Variants in HECW2 observed in about 807,000 individuals in gnomAD.
HECW2 encodes the protein HECT, C2 and WW domain containing E3 ubiquitin protein ligase 2.
HECW2 carries 61 observed loss-of-function variants against 175.2 expected under a neutral mutation model. The observed-to-expected ratio is 0.35, with a 90% confidence interval of 0.28 to 0.43. The LOEUF (loss-of-function observed/expected upper bound fraction) is 0.43, where lower values mean the gene tolerates loss of function less well. Ranked by LOEUF, HECW2 falls within the 20% of genes least tolerant of loss-of-function variation. HECW2 has a pLI of 1.00. For synonymous variants in HECW2, 671 were observed against 731.0 expected (o/e 0.92, Z 1.32); for missense variants, 1,524 against 2,000.5 (o/e 0.76, Z 4.54).
chr2:196,374,834 TAAA>T (rs770227570), intron 2 of HECW2, among the ~76,000 whole-genome samples: 8 of 113,314 alleles, frequency 7.1e-5, no homozygotes, highest in South Asian at 2.8e-4. Context: ...AAGGGAAGAG[TAAA>T]AAAAAAAAAA....
intron 1 of HECW2, among the ~76,000 whole-genome samples, chr2:196,469,208 G>T (rs750407735): frequency 6.6e-6 from 1 of 151,638 alleles, no homozygotes; most frequent in African/African-American, 2.4e-5. Context: ...AAGAGGAGCT[G>T]CCCCGCCTTA....
chr2:196,344,874 T>C (rs1353381363), intron 2 of HECW2, among the ~76,000 whole-genome samples: 1 of 152,140 alleles, frequency 6.6e-6, no homozygotes, highest in Non-Finnish European at 1.5e-5. Flanking sequence ...CCCAAAGGAA[T>C]AGTCCTGAGG....
intron 14 of HECW2, chr2:196,291,431 T>C (rs1239342810): frequency 1.3e-5 from 2 of 152,232 alleles, no homozygotes; most frequent in Non-Finnish European, 2.9e-5. Context: ...GAGACATGAA[T>C]GCTGCATTCA....
intron 2 of HECW2, among the ~76,000 whole-genome samples, chr2:196,350,297 G>A (rs1276329053): frequency 6.6e-6 from 1 of 152,134 alleles, no homozygotes; most frequent in Non-Finnish European, 1.5e-5. Context: ...CCTGGGAGGT[G>A]GAGGTTGCAG....
At chr2:196,325,192 C>A in intron 5 of HECW2, 43 bp from the exon 6 acceptor site, 4 of 1,435,532 alleles carry the variant, frequency 2.8e-6, no homozygotes, top group South Asian at 2.8e-5. Context: ...AAAGAGAAAG[C>A]AGGAGGGAGG....
chr2:196,551,171 T>C (rs1006259771), intron 1 of HECW2, among the ~76,000 whole-genome samples: 2 of 152,158 alleles, frequency 1.3e-5, no homozygotes, highest in East Asian at 1.9e-4. Context: ...AATAGCTCCA[T>C]AGGCTACATA....
chr2:196,275,789 T>C (rs1171833131), intron 15 of HECW2, among the ~76,000 whole-genome samples: 1 of 152,118 alleles, frequency 6.6e-6, no homozygotes, highest in African/African-American at 2.4e-5. Context: ...GTTATTTATT[T>C]GCATCCCTCA....
chr2:196,579,327 T>TAAAA (rs1315226205), intron 1 of HECW2, among the ~76,000 whole-genome samples: 2 of 151,914 alleles, frequency 1.3e-5, no homozygotes, highest in Non-Finnish European at 2.9e-5. Flanking sequence ...GATAAGACAG[T>TAAAA]AATGGAACTC....
chr2:196,396,816 A>AT (rs1694672350), intron 2 of HECW2, among the ~76,000 whole-genome samples: 1 of 14,310 alleles, frequency 7.0e-5, no homozygotes, highest in African/African-American at 1.7e-4. Context: ...ATATATTCCA[A>AT]TTAAAAAAAA....
chr2:196,464,000 T>C (rs1696846626), intron 1 of HECW2, among the ~76,000 whole-genome samples: 1 of 152,166 alleles, frequency 6.6e-6, no homozygotes, highest in Non-Finnish European at 1.5e-5. Context: ...TTATTTTACT[T>C]TCAAATCCAT....
At position 196,319,415 on chromosome 2, in the gene HECW2, C is replaced by T. The variant is rs754012817; in HGVS notation, c.1475G>A (p.Ser492Asn). The T allele has an allele frequency of 5.0e-6, 8 of 1,613,826 alleles. No individual in the cohort carries two copies. Among genetic ancestry groups the T allele is most frequent in the African/African-American group, 4.0e-5 (3 of 74,942 alleles). ...LEEEGGLIMF[S>N]RASRADDGSL... Reference sequence around the variant, plus strand: ...TCCATCATCAGCTCTGGATGCCCTGCTAAACATGATCAGGCCTCCCTCCTC... The same window carrying T: ...TCCATCATCAGCTCTGGATGCCCTGTTAAACATGATCAGGCCTCCCTCCTC... Residue 492 changes from serine to asparagine, a missense_variant, in exon 9 of 29, where the codon AGC becomes AAC. This residue lies in a region of HECW2 where 604 missense variants were observed against 588.3 expected (regional missense o/e 1.03). Transcript: ENST00000644978.
At chr2:196,475,857 A>C (rs1468543069) in intron 1 of HECW2, among the ~76,000 whole-genome samples, 1 of 152,262 alleles carries the variant, frequency 6.6e-6, no homozygotes, top group African/African-American at 2.4e-5. Context: ...CAGTTTCAAA[A>C]GGCAAACTGG....
intron 28 of HECW2, among the ~76,000 whole-genome samples, chr2:196,205,518 C>T (rs1425508536): frequency 6.6e-6 from 1 of 152,056 alleles, no homozygotes; most frequent in African/African-American, 2.4e-5. Flanking sequence ...TATGCAGTAG[C>T]TCTGGGGAAA....
chr2:196,369,695 G>C (rs1693854071), intron 2 of HECW2, among the ~76,000 whole-genome samples: 1 of 152,098 alleles, frequency 6.6e-6, no homozygotes, highest in African/African-American at 2.4e-5. Context: ...GAATATACTT[G>C]ATGTTCTATT....
intron 10 of HECW2, among the ~76,000 whole-genome samples, chr2:196,309,007 A>G (rs1457857061): frequency 6.6e-6 from 1 of 152,224 alleles, no homozygotes; most frequent in African/African-American, 2.4e-5. Context: ...TTTGAAATTA[A>G]TAAGCATTTT....
chr2:196,457,076 G>C (rs558924592), intron 1 of HECW2, among the ~76,000 whole-genome samples: 14 of 152,332 alleles, frequency 9.2e-5, no homozygotes, highest in African/African-American at 3.4e-4. Flanking sequence ...TATCTGGAAA[G>C]AATCAACAGT....
chr2:196,562,472 T>G (rs138573129), intron 1 of HECW2, among the ~76,000 whole-genome samples: 118 of 152,268 alleles, frequency 7.7e-4, no homozygotes, highest in African/African-American at 2.7e-3. Flanking sequence ...TAGCTAAAGC[T>G]GAAAGAGGGC....
intron 2 of HECW2, among the ~76,000 whole-genome samples, chr2:196,401,703 G>T (rs1575503782): frequency 6.6e-6 from 1 of 152,300 alleles, no homozygotes; most frequent in South Asian, 2.1e-4. Flanking sequence ...TCACACAGAT[G>T]TGAATATTCA....
intron 2 of HECW2, among the ~76,000 whole-genome samples, chr2:196,427,024 G>A (rs187962530): frequency 6.6e-6 from 1 of 152,140 alleles, no homozygotes; most frequent in Non-Finnish European, 1.5e-5. Context: ...CATAGACACT[G>A]AGAGGTCTAC....
Sources: allele counts gnomAD v4.1 joint callset (sites outside exome capture counted in the v4.1 genomes callset), GRCh38; gene constraint gnomAD v4.1.1; regional missense constraint gnomAD v4.1.1; transcripts MANE v1.5; gene names NCBI Gene and HGNC (gene_info 2026-07-23, HGNC 2026-07-21).